FNIP2: variants seen among roughly 807,000 people sequenced by gnomAD.
FNIP2 encodes folliculin-interacting protein 2.
A neutral mutation model predicts 108.7 loss-of-function variants in FNIP2; 32 were observed. The ratio of observed to expected loss-of-function variants is 0.29; its 90% CI spans 0.22 to 0.40. The LOEUF is 0.40. FNIP2 is among the 10% of genes least tolerant of loss of function. The probability of loss-of-function intolerance (pLI) is 1.00; values close to 1 mark genes in which losing one functional copy is unlikely to be tolerated. For synonymous variants in FNIP2, 480 were observed against 496.7 expected (o/e 0.97, Z 0.45); for missense variants, 1,202 against 1,381.6 (o/e 0.87, Z 2.06).
At chr4:158,870,520 G>C in intron 14 of FNIP2, 51 bp downstream of exon 14, 1 of 1,556,614 alleles carries the variant, frequency 6.4e-7, no homozygotes, top group African/African-American at 1.4e-5. Flanking sequence ...TGTCAGTCAA[G>C]GTCTTGGCTG....
intron 12 of FNIP2, among the ~76,000 whole-genome samples, chr4:158,862,207 G>A (rs1780337811): frequency 6.6e-6 from 1 of 151,758 alleles, no homozygotes; most frequent in African/African-American, 2.4e-5. Flanking sequence ...CCCGCCCCAA[G>A]TTGTAACAAT....
At position 158,806,331 on chromosome 4, in the gene FNIP2, T is replaced by G. The variant is rs769406498; in HGVS notation, c.108-19585T>G. ...GATGTGTGAGTGATGCTGTTCCTGG[T>G]GCTGGGAGGATTTACAGGGCGCTTT... On this transcript the variant is annotated intron_variant, in intron 1 of 16. Coordinates refer to ENST00000264433, the MANE Select transcript of FNIP2 (RefSeq NM_020840.3). The G allele has an allele frequency of 4.3e-5, 55 of 1,289,260 alleles. 1 individual carries two copies. The South Asian group carries it at 6.4e-4, about 15-fold the overall frequency. The allele number at this position is 1,289,260 out of a possible 1,614,324, so 79.9% of individuals were successfully genotyped here.
At chr4:158,892,141 C>CTTTTTTTT (rs34895070) in intron 15 of FNIP2, among the ~76,000 whole-genome samples, 1 of 113,500 alleles carries the variant, frequency 8.8e-6, no homozygotes, top group African/African-American at 3.2e-5. Flanking sequence ...TCAATTGTTG[C>CTTTTTTTT]TTTTTTTTTT....
At chr4:158,820,917 T>G (rs887960722) in intron 1 of FNIP2, among the ~76,000 whole-genome samples, 2 of 152,220 alleles carry the variant, frequency 1.3e-5, no homozygotes, top group African/African-American at 4.8e-5. Context: ...TTCACAGGTA[T>G]AGGAATTAGG....
At chr4:158,830,795 A>G (rs188801265) in intron 3 of FNIP2, among the ~76,000 whole-genome samples, 1,663 of 152,290 alleles carry the variant, frequency 0.011, 107 homozygotes, top group Admixed American at 0.1. Context: ...TTGGTGGCAC[A>G]CTGGTTTGCT....
chr4:158,898,182 G>A (rs1782862019), intron 16 of FNIP2, among the ~76,000 whole-genome samples: 1 of 152,112 alleles, frequency 6.6e-6, no homozygotes, highest in South Asian at 2.1e-4. Flanking sequence ...CCTCAGTTCT[G>A]TTCCATTGGT....
At chr4:158,838,203 A>G (rs1024550308) in intron 7 of FNIP2, among the ~76,000 whole-genome samples, 6 of 146,316 alleles carry the variant, frequency 4.1e-5, no homozygotes, top group Non-Finnish European at 9.0e-5. Context: ...AGACATAAAG[A>G]TATTATTTAT....
At chr4:158,770,572 C>A (rs142896245) in intron 1 of FNIP2, among the ~76,000 whole-genome samples, 1 of 152,116 alleles carries the variant, frequency 6.6e-6, no homozygotes, top group African/African-American at 2.4e-5. Context: ...TGTGTGCACG[C>A]GCGCTCATGG....
intron 7 of FNIP2, among the ~76,000 whole-genome samples, chr4:158,838,296 C>T (rs372181431): frequency 2.1e-5 from 3 of 142,294 alleles, no homozygotes; most frequent in South Asian, 2.4e-4. Context: ...TCTTGGCTCA[C>T]TGTAACCTCT....
intron 1 of FNIP2, among the ~76,000 whole-genome samples, chr4:158,782,552 T>C (rs1776088745): frequency 6.6e-6 from 1 of 151,882 alleles, no homozygotes; most frequent in African/African-American, 2.4e-5. Flanking sequence ...ATTAGTTTCT[T>C]GACAGTTCTC....
chr4:158,788,564 G>A (rs1776299365), intron 1 of FNIP2, among the ~76,000 whole-genome samples: 1 of 152,186 alleles, frequency 6.6e-6, no homozygotes, highest in Non-Finnish European at 1.5e-5. Context: ...GTTTAACCTA[G>A]GTTGCTTTAT....
intron 16 of FNIP2, among the ~76,000 whole-genome samples, chr4:158,900,982 C>T (rs1026924034): frequency 6.6e-6 from 1 of 152,088 alleles, no homozygotes; most frequent in Non-Finnish European, 1.5e-5. Flanking sequence ...CCGCTTTTTC[C>T]TTTCCATGTA....
chr4:158,771,841 GTTTTGCCCTTGTTGTTAGTC>G (rs751543134), intron 1 of FNIP2, among the ~76,000 whole-genome samples: 1 of 152,122 alleles, frequency 6.6e-6, no homozygotes, highest in Non-Finnish European at 1.5e-5. Flanking sequence ...TCTCAGAATT[GTTTTGCCCTTGTTGTTAGTC>G]TTTTTACTCT....
rs537911104 is a variant in FNIP2 at position 158,781,462 on chromosome 4, A to G, written c.107+12143A>G. Among the ~76,000 whole-genome samples, 8 of 151,330 alleles carry G rather than the reference A, an allele frequency of 5.3e-5. No homozygotes were observed. The South Asian group carries it at 8.4e-4, about 16-fold the overall frequency. ...CAAAGTGTAGATGGGGAGGGACCCCAGTCTATACTTTGAGTCTTATTAGAG... is the reference window on the plus strand; with the variant it reads ...CAAAGTGTAGATGGGGAGGGACCCCGGTCTATACTTTGAGTCTTATTAGAG... On this transcript the variant is annotated intron_variant, in intron 1 of 16. Coordinates refer to ENST00000264433, the MANE Select transcript of FNIP2 (RefSeq NM_020840.3).
chr4:158,869,880 CA>C (rs1306514121), intron 13 of FNIP2, among the ~76,000 whole-genome samples: 1 of 152,240 alleles, frequency 6.6e-6, no homozygotes, highest in Non-Finnish European at 1.5e-5. Flanking sequence ...TCTTTCTTAA[CA>C]CTCCATCAGG....
At chr4:158,863,063 T>C (rs775871501) in intron 12 of FNIP2, among the ~76,000 whole-genome samples, 1 of 152,174 alleles carries the variant, frequency 6.6e-6, no homozygotes, top group African/African-American at 2.4e-5. Context: ...TCAGGGGAGA[T>C]CATGTATTGT....
intron 14 of FNIP2, among the ~76,000 whole-genome samples, chr4:158,888,165 T>G (rs1177258126): frequency 3.3e-5 from 5 of 152,238 alleles, no homozygotes; most frequent in Non-Finnish European, 7.4e-5. Context: ...GTTTATTCTT[T>G]AGTAAATAAG....
Position 158,871,178 on chromosome 4 carries a change from G to A in FNIP2, c.2949+709G>A, listed in dbSNP as rs180759857. Among the ~76,000 whole-genome samples the A allele has an allele frequency of 3.2e-3, 485 of 152,294 alleles. 1 individual carries two copies. The highest frequency in any genetic ancestry group is 0.011 in the African/African-American group (438 of 41,544). On this transcript the variant is annotated intron_variant, in intron 14 of 16. Coordinates refer to ENST00000264433, the MANE Select transcript of FNIP2 (RefSeq NM_020840.3). ...TAAGTCTCACTGAAAAAATTGCCTC[G>A]TGGCTGCTATTAAGTGCTTTTCTGC...
chr4:158,839,527 A>G (rs569914258), intron 7 of FNIP2, among the ~76,000 whole-genome samples: 2 of 151,770 alleles, frequency 1.3e-5, no homozygotes, highest in South Asian at 4.2e-4. Context: ...CACCACACCC[A>G]GAATTTTTTT....
Sources: gnomAD v4.1 joint callset for allele counts (sites outside exome capture counted in the v4.1 genomes callset) on GRCh38, gnomAD v4.1.1 for gene constraint, MANE v1.5 for transcripts, NCBI Gene and HGNC (gene_info 2026-07-23, HGNC 2026-07-21) for gene names.